NAV3: variants seen among roughly 807,000 people sequenced by gnomAD.
NAV3 encodes the protein neuron navigator 3.
NAV3 carries 87 observed loss-of-function variants against 244.7 expected under a neutral mutation model. The observed-to-expected ratio is 0.36, with a 90% CI of 0.30 to 0.42. The LOEUF (loss-of-function observed/expected upper bound fraction) is 0.42. Among genes scored for constraint, NAV3 ranks in the 20% least tolerant of loss-of-function variants. The pLI, the probability that NAV3 is intolerant of heterozygous loss-of-function variation, is 1.00. For synonymous variants in NAV3, 1,126 were observed against 1,042.2 expected (o/e 1.08, Z -1.55); for missense variants, 2,663 against 2,893.3 (o/e 0.92, Z 1.83).
chr12:77,702,094 T>C (rs1033680408), intron 2 of NAV3, among the ~76,000 whole-genome samples: 2 of 152,032 alleles, frequency 1.3e-5, no homozygotes, highest in East Asian at 3.8e-4. Context: ...TTATTAATGT[T>C]TCCCTTTATT....
intron 22 of NAV3, among the ~76,000 whole-genome samples, chr12:78,152,166 A>G (rs1256812278): frequency 6.6e-6 from 1 of 151,750 alleles, no homozygotes; most frequent in Non-Finnish European, 1.5e-5. Flanking sequence ...GACTAAAAAT[A>G]GAAAAATAAT....
intron 2 of NAV3, among the ~76,000 whole-genome samples, chr12:77,623,508 G>A (rs778356018): frequency 1.2e-4 from 19 of 152,132 alleles, no homozygotes; most frequent in Admixed American, 9.8e-4. Context: ...CACAGCTCTT[G>A]CACAAATTTT....
intron 24 of NAV3, among the ~76,000 whole-genome samples, chr12:78,174,452 C>G (rs439996): frequency 0.045 from 6,898 of 151,852 alleles, 189 homozygotes; most frequent in Non-Finnish European, 0.071. Flanking sequence ...CTGAGACTGG[C>G]TCCACTATTT....
intron 5 of NAV3, among the ~76,000 whole-genome samples, chr12:77,987,738 T>C (rs893750367): frequency 1.3e-5 from 2 of 152,212 alleles, no homozygotes; most frequent in African/African-American, 2.4e-5. Context: ...GATTAATTAC[T>C]GCACCATCAA....
intron 2 of NAV3, among the ~76,000 whole-genome samples, chr12:77,617,633 C>T (rs1292375098): frequency 6.6e-6 from 1 of 152,166 alleles, no homozygotes; most frequent in East Asian, 1.9e-4. Context: ...AGGGATCCTC[C>T]AATCCACTTC....
chr12:77,954,342 G>A (rs1242530368), intron 3 of NAV3, among the ~76,000 whole-genome samples: 1 of 152,146 alleles, frequency 6.6e-6, no homozygotes, highest in East Asian at 1.9e-4. Flanking sequence ...CTGAGTCAGA[G>A]GCTGCGAATA....
Position 78,175,943 on chromosome 12 carries a change from T to TTAA in NAV3, c.5104-492_5104-490dup, listed in dbSNP as rs1958205731. On this transcript the variant is annotated intron_variant, in intron 25 of 39. Transcript: ENST00000397909. The stretch of plus-strand genomic sequence containing the variant: ...TCTTGGAGGAAAAGGAGAATGGGAG[T>TTAA]TAATAAAGGGAAAGAATAAACAATG... Among the ~76,000 whole-genome samples, 3 of 151,624 alleles carry TTAA rather than the reference T, an allele frequency of 2.0e-5. No homozygotes were observed. In the South Asian group the frequency reaches 6.3e-4, roughly 32 times the overall value.
intron 2 of NAV3, among the ~76,000 whole-genome samples, chr12:77,622,739 T>C (rs935080377): frequency 1.3e-5 from 2 of 152,108 alleles, no homozygotes; most frequent in Admixed American, 6.6e-5. Flanking sequence ...AGTAAAATTG[T>C]GTTCCATTTA....
In NAV3 at chr12:78,119,724, G is replaced by A. The variant is rs1955585441; in HGVS notation, c.3528G>A (p.Ser1176=). The part of the protein sequence containing the change: ...VSSKSAGATT[S]KLREPTKIGS... ...GCAAGTCTGCTGGGGCCACCACCTC[G>A]AAACTGAGAGAACCAACTAAAATTG... Residue 1176 remains serine (S), a synonymous_variant, in exon 15 of 40, where the codon TCG becomes TCA. Transcript: ENST00000397909. The A allele has an allele frequency of 6.2e-7, 1 of 1,614,122 alleles. No homozygotes were observed.
At chr12:77,897,153 G>A (rs751932516) in intron 1 of NAV3, among the ~76,000 whole-genome samples, 4 of 152,210 alleles carry the variant, frequency 2.6e-5, no homozygotes, top group Non-Finnish European at 5.9e-5. Flanking sequence ...GCATCTAGAG[G>A]AAGAAATTGA....
upstream of NAV3, among the ~76,000 whole-genome samples, chr12:77,826,993 G>A (rs953624649): frequency 6.6e-6 from 1 of 152,044 alleles, no homozygotes; most frequent in Non-Finnish European, 1.5e-5. Flanking sequence ...AGGCCAAGGC[G>A]GGCAGATCAC....
chr12:78,145,333 G>A (rs142654404), intron 20 of NAV3, among the ~76,000 whole-genome samples: 146 of 152,224 alleles, frequency 9.6e-4, no homozygotes, highest in East Asian at 1.9e-3. Flanking sequence ...AGAGTTTCTG[G>A]CAAATAAAAT....
chr12:77,877,040 C>T (rs2136541616), intron 1 of NAV3, among the ~76,000 whole-genome samples: 1 of 152,114 alleles, frequency 6.6e-6, no homozygotes, highest in Admixed American at 6.5e-5. Context: ...ACATTTACAT[C>T]CCTTAAAGCT....
chr12:78,119,442 T>G lies in NAV3; in HGVS notation c.3246T>G (p.Ser1082Arg). ...GGTCATCTGCCATGATCACCAGCAG[T>G]GGAGCAACCATAACAAGTGGCTCTG... ...GVGSSAMITSSGATITSGSAT... is the reference protein window; with the variant it reads ...GVGSSAMITSRGATITSGSAT... The change falls in exon 15 of 40, where the codon AGT (serine) becomes AGG (arginine). Residue 1082 changes from serine (S) to arginine (R), a missense_variant. This residue lies in a region of NAV3 where 1,521 missense variants were observed against 1,497.0 expected (regional missense o/e 1.02). Coordinates refer to ENST00000397909, the MANE Select transcript of NAV3 (RefSeq NM_001024383.2). The G allele has an allele frequency of 6.2e-7, 1 of 1,614,168 alleles. No homozygotes were observed. The highest frequency in any genetic ancestry group is 1.1e-5 in the South Asian group (1 of 91,080).
rs182940570 is a variant in NAV3, at chr12:77,799,677, A to T, written c.73-140642A>T. The stretch of plus-strand genomic sequence containing the variant: ...TTTTAAATTCAAATTGGAAAATGAA[A>T]TACCAAGAGGCAAATGAACTTCCCT... On this transcript the variant is annotated intron_variant, in intron 2 of 8. Coordinates refer to the NAV3 transcript ENST00000550042. Among the ~76,000 whole-genome samples, 4 of 152,232 alleles carry T rather than the reference A, an allele frequency of 2.6e-5. No homozygotes were observed. In the East Asian group the frequency reaches 7.7e-4, roughly 29 times the overall value.
intron 16 of NAV3, among the ~76,000 whole-genome samples, chr12:78,125,149 C>A (rs997644465): frequency 6.6e-6 from 1 of 151,950 alleles, no homozygotes; most frequent in Admixed American, 6.6e-5. Flanking sequence ...ATTAATTGAT[C>A]AGTAGAATGT....
At chr12:77,773,870 G>A (rs1043405875) in intron 2 of NAV3, among the ~76,000 whole-genome samples, 3 of 152,104 alleles carry the variant, frequency 2.0e-5, no homozygotes, top group Admixed American at 2.0e-4. Context: ...GGATAAAAAA[G>A]CAGTAGGATT....
At chr12:77,821,021 CCT>C (rs776948428) in intron 2 of NAV3, among the ~76,000 whole-genome samples, 1 of 151,578 alleles carries the variant, frequency 6.6e-6, no homozygotes, top group Non-Finnish European at 1.5e-5. Flanking sequence ...TCTCAATATT[CCT>C]CTCTCTCTTT....
At chr12:78,206,781 A>G (rs1960358700) in intron 39 of NAV3, among the ~76,000 whole-genome samples, 1 of 152,062 alleles carries the variant, frequency 6.6e-6, no homozygotes, top group South Asian at 2.1e-4. Flanking sequence ...GACGTCATCT[A>G]AAACTAAATA....
Sources: gnomAD v4.1 joint callset for allele counts (sites outside exome capture counted in the v4.1 genomes callset) on GRCh38, gnomAD v4.1.1 for gene constraint, gnomAD v4.1.1 regional missense constraint, MANE v1.5 for transcripts, NCBI Gene and HGNC (gene_info 2026-07-23, HGNC 2026-07-21) for gene names.